Variants in SOX5 observed in about 807,000 individuals in gnomAD.
The protein encoded by SOX5 is SRY-box transcription factor 5.
In SOX5, 9 loss-of-function variants were observed where a neutral mutation model predicts 92.0. The ratio of observed to expected loss-of-function variants is 0.10; its 90% CI spans 0.06 to 0.17. The LOEUF is 0.17. SOX5 is among the 10% of genes least tolerant of loss of function. SOX5 has a pLI of 1.00. For synonymous variants in SOX5, 344 were observed against 336.3 expected, an observed-to-expected ratio of 1.02 and a Z score of -0.25; for missense variants, 642 against 944.5, an observed-to-expected ratio of 0.68 and a Z score of 4.20.
chr12:23,949,899 G>A (rs1945319153), upstream of SOX5, among the ~76,000 whole-genome samples: 1 of 150,120 alleles, frequency 6.7e-6, no homozygotes. Context: ...CCCCCTCCGC[G>A]GAGCCACACG....
chr12:23,638,058 G>T (rs1306969469), intron 8 of SOX5: 1 of 151,890 alleles, frequency 6.6e-6, no homozygotes, highest in Non-Finnish European at 1.5e-5. Context: ...GCCAATAGTG[G>T]TGACACCCCA....
At chr12:24,005,318 G>T (rs954141894) in intron 4 of SOX5, among the ~76,000 whole-genome samples, 2 of 152,036 alleles carry the variant, frequency 1.3e-5, no homozygotes, top group East Asian at 3.9e-4. Context: ...TTATTAGAAA[G>T]GAAGCATCTA....
At chr12:23,831,459 C>A (rs34746785) in intron 3 of SOX5, among the ~76,000 whole-genome samples, 2 of 151,846 alleles carry the variant, frequency 1.3e-5, no homozygotes, top group African/African-American at 4.8e-5. Flanking sequence ...CAGAGAGGGA[C>A]GGATGGGGGA....
intron 4 of SOX5, among the ~76,000 whole-genome samples, chr12:24,030,885 C>A (rs762937128): frequency 3.3e-5 from 5 of 151,722 alleles, no homozygotes; most frequent in Admixed American, 6.6e-5. Flanking sequence ...AGGCAAAGAA[C>A]CTGAATAAAC....
chr12:24,423,456 T>C (rs904334808), intron 1 of SOX5, among the ~76,000 whole-genome samples: 1 of 152,226 alleles, frequency 6.6e-6, no homozygotes, highest in African/African-American at 2.4e-5. Context: ...CATTGTGAGA[T>C]TTCAATGAGG....
chr12:23,533,616 C>G lies in SOX5; in HGVS notation c.*603G>C, dbSNP rs186785434. Reference sequence around the variant, plus strand: ...AAAAACAGGCTCTTTTTCCCTCTTTCCCCTCATGCACAGACTTCCATCTTT... The same window carrying G: ...AAAAACAGGCTCTTTTTCCCTCTTTGCCCTCATGCACAGACTTCCATCTTT... On this transcript the variant is annotated 3_prime_UTR_variant, in exon 15 of 15. Transcript: ENST00000451604. The G allele has an allele frequency of 1.9e-5, 3 of 153,884 alleles. No individual in the cohort carries two copies. Among genetic ancestry groups the G allele is most frequent in the African/African-American group, 7.2e-5 (3 of 41,520 alleles). The allele number at this position is 153,884 out of a possible 1,614,324, so 9.5% of individuals were successfully genotyped here.
At chr12:23,816,899 A>G (rs202084746) in intron 3 of SOX5, among the ~76,000 whole-genome samples, 2 of 152,184 alleles carry the variant, frequency 1.3e-5, no homozygotes, top group East Asian at 1.9e-4. Context: ...CATTCTTGAG[A>G]AGATATTAAA....
intron 1 of SOX5, among the ~76,000 whole-genome samples, chr12:24,444,270 A>ATGTGTGTGTGTGTG (rs56206607): frequency 2.7e-5 from 4 of 149,154 alleles, no homozygotes; most frequent in Admixed American, 6.7e-5. Context: ...AGGCCACTGA[A>ATGTGTGTGTGTGTG]TGTGTGTGTG....
chr12:23,607,380 C>T (rs1018520479), intron 8 of SOX5, among the ~76,000 whole-genome samples: 4 of 152,096 alleles, frequency 2.6e-5, no homozygotes, highest in Admixed American at 2.6e-4. Context: ...TCTAACTTGG[C>T]CATTTACAAG....
At chr12:24,159,255 A>G (rs969493259) in intron 4 of SOX5, among the ~76,000 whole-genome samples, 3 of 151,864 alleles carry the variant, frequency 2.0e-5, no homozygotes, top group Non-Finnish European at 2.9e-5. Context: ...AACTATTACA[A>G]TGTGTCAGGC....
At chr12:23,700,263 C>G (rs1427783779) in intron 6 of SOX5, among the ~76,000 whole-genome samples, 1 of 151,962 alleles carries the variant, frequency 6.6e-6, no homozygotes, top group African/African-American at 2.4e-5. Flanking sequence ...TTAAGCTCCA[C>G]CATCTTTTGG....
intron 4 of SOX5, among the ~76,000 whole-genome samples, chr12:24,118,255 C>T (rs2138276526): frequency 6.6e-6 from 1 of 152,108 alleles, no homozygotes; most frequent in Admixed American, 6.6e-5. Context: ...TCATTAACAT[C>T]CTCACTACAA....
At chr12:23,549,621 G>A (rs1299171335) in intron 11 of SOX5, among the ~76,000 whole-genome samples, 2 of 151,942 alleles carry the variant, frequency 1.3e-5, no homozygotes, top group East Asian at 3.9e-4. Context: ...CAGAATAGAG[G>A]GCAAAAAGAG....
At chr12:23,984,560 C>A (rs1032734535) in intron 4 of SOX5, among the ~76,000 whole-genome samples, 1 of 152,184 alleles carries the variant, frequency 6.6e-6, no homozygotes, top group Admixed American at 6.5e-5. Context: ...CTCAGTATGA[C>A]TAGATCATTG....
chr12:24,366,781 A>G (rs1015329089), intron 2 of SOX5, among the ~76,000 whole-genome samples: 7 of 152,074 alleles, frequency 4.6e-5, no homozygotes, highest in African/African-American at 7.2e-5. Context: ...ATCTTATTAC[A>G]TATTATCAAA....
chr12:24,297,703 C>T (rs1452764618), intron 2 of SOX5, among the ~76,000 whole-genome samples: 2 of 152,136 alleles, frequency 1.3e-5, no homozygotes, highest in African/African-American at 2.4e-5. Flanking sequence ...ACTATGGAAA[C>T]GCAGCATCTG....
intron 3 of SOX5, among the ~76,000 whole-genome samples, chr12:23,809,070 T>A (rs2095831067): frequency 6.6e-6 from 1 of 152,156 alleles, no homozygotes; most frequent in East Asian, 1.9e-4. Flanking sequence ...AATCCAGATA[T>A]AATGAAATAC....
chr12:23,530,552 CCAAATGAACTTCA>C lies in SOX5; in HGVS notation c.*3654_*3666del, dbSNP rs1020001630. On this transcript the variant is annotated 3_prime_UTR_variant, in exon 15 of 15. Transcript: ENST00000451604. ...CATGGTTAACTCTTAACTGCAGATG[CCAAATGAACTTCA>C]CAAATGGACTTCACTAATTTAGGTA... 6.6e-6 allele frequency: 1 copy of C among 152,022 alleles called. No individual in the cohort carries two copies. Among genetic ancestry groups the C allele is most frequent in the African/African-American group, 2.4e-5 (1 of 41,396 alleles). The allele number at this position is 152,022 out of a possible 1,614,324, so 9.4% of individuals were successfully genotyped here. A position where few individuals can be genotyped will look rare whatever the true frequency, so the allele number is the denominator to read the frequency against.
chr12:24,443,771 A>G (rs1364012004), intron 1 of SOX5, among the ~76,000 whole-genome samples: 2 of 152,240 alleles, frequency 1.3e-5, no homozygotes, highest in African/African-American at 2.4e-5. Context: ...ACAGGTTGAG[A>G]CTTGAGTTTC....
Sources: gnomAD v4.1 joint callset for allele counts (sites outside exome capture counted in the v4.1 genomes callset) on GRCh38, gnomAD v4.1.1 for gene constraint, MANE v1.5 for transcripts, NCBI Gene and HGNC (gene_info 2026-07-23, HGNC 2026-07-21) for gene names.